COL6A6: variants seen among roughly 807,000 people sequenced by gnomAD.
COL6A6 encodes the protein collagen type VI alpha 6 chain, also known as collagen alpha-6(VI) chain.
Under a neutral mutation model 208.6 loss-of-function variants are expected in COL6A6, and 183 were observed. The ratio of observed to expected loss-of-function variants is 0.88; its 90% CI spans 0.78 to 0.99. The LOEUF is 0.99. Among genes scored for constraint, COL6A6 ranks in the 50% least tolerant of loss-of-function variants. The pLI is 0.00. For synonymous variants in COL6A6, 973 were observed against 1,011.8 expected, an observed-to-expected ratio of 0.96 and a Z score of 0.73; for missense variants, 2,816 against 2,815.2, an observed-to-expected ratio of 1.00 and a Z score of -0.01.
At chr3:130,521,039 C>T (rs895617766) in intron 1 of COL6A6, among the ~76,000 whole-genome samples, 2 of 152,102 alleles carry the variant, frequency 1.3e-5, no homozygotes, top group African/African-American at 2.4e-5. Flanking sequence ...TCAGTATTCT[C>T]CTTAAGTCAC....
At chr3:130,656,323 G>A (rs377356256) in intron 33 of COL6A6, among the ~76,000 whole-genome samples, 3 of 152,210 alleles carry the variant, frequency 2.0e-5, no homozygotes, top group East Asian at 3.9e-4. Flanking sequence ...GTGAAGAGGA[G>A]CTTTATTGAG....
In COL6A6 at chr3:130,625,708, C is replaced by A. The variant is rs545784143; in HGVS notation, c.4879-777C>A. ...ATACCATGTGGATCCTGGATGGGAT[C>A]CTGGAACAGGAAAGGAATATCAGGT... On this transcript the variant is annotated intron_variant, in intron 24 of 36. Coordinates refer to ENST00000358511, the MANE Select transcript of COL6A6 (RefSeq NM_001102608.3). Among the ~76,000 whole-genome samples the A allele has an allele frequency of 8.5e-5, 13 of 152,154 alleles. No homozygotes were observed. The East Asian group carries it at 1.2e-3, about 14-fold the overall frequency.
At chr3:130,578,629 C>T (rs867386218) in intron 8 of COL6A6, among the ~76,000 whole-genome samples, 1 of 152,020 alleles carries the variant, frequency 6.6e-6, no homozygotes, top group Admixed American at 6.6e-5. Context: ...GATTTACCTG[C>T]CAATTGCTTC....
intron 18 of COL6A6, among the ~76,000 whole-genome samples, chr3:130,595,568 C>G (rs1453997962): frequency 1.3e-5 from 2 of 152,186 alleles, no homozygotes; most frequent in African/African-American, 4.8e-5. Context: ...ATATAAGTGT[C>G]TGCTCTTTTT....
At chr3:130,528,407 G>A (rs893603867) in intron 1 of COL6A6, among the ~76,000 whole-genome samples, 1 of 152,130 alleles carries the variant, frequency 6.6e-6, no homozygotes, top group African/African-American at 2.4e-5. Flanking sequence ...GCTGATCTGA[G>A]GACCACTCTT....
chr3:130,634,698 A>G, intron 27 of COL6A6, 73 bp downstream of exon 27: 1 of 1,107,614 alleles, frequency 9.0e-7, no homozygotes, highest in Non-Finnish European at 1.3e-6. Flanking sequence ...ATCCTAGGCC[A>G]GTAGAAGAAC....
At chr3:130,572,526 G>A (rs2063191650) in intron 7 of COL6A6, among the ~76,000 whole-genome samples, 1 of 152,152 alleles carries the variant, frequency 6.6e-6, no homozygotes, top group South Asian at 2.1e-4. Context: ...TTAGAATGCA[G>A]CTACTATCTT....
chr3:130,555,744 G>GT (rs1401882471), intron 1 of COL6A6, among the ~76,000 whole-genome samples: 4 of 151,594 alleles, frequency 2.6e-5, no homozygotes, highest in Non-Finnish European at 5.9e-5. Context: ...AATGATGGGT[G>GT]TTTTTTGGTT....
At position 130,590,401 on chromosome 3, in the gene COL6A6, T is replaced by C. The variant is rs866248236; in HGVS notation, c.4219-640T>C. ...TATGTATACATGTGCCATGTTGGTG[T>C]GCTGCACCCATTAACTCGTCATTTA... On this transcript the variant is annotated intron_variant, in intron 12 of 36. Transcript: ENST00000358511. Among the ~76,000 whole-genome samples, 24 of 141,672 alleles carry C rather than the reference T, an allele frequency of 1.7e-4. No homozygotes were observed. In the South Asian group the frequency reaches 2.2e-3, roughly 13 times the overall value. 92.9% of individuals were successfully genotyped at this position (141,672 alleles called of 152,430 possible). A position where few individuals can be genotyped will look rare whatever the true frequency, so the allele number is the denominator to read the frequency against.
intron 13 of COL6A6, among the ~76,000 whole-genome samples, chr3:130,592,290 C>T (rs1300689667): frequency 1.3e-5 from 2 of 152,114 alleles, no homozygotes; most frequent in Admixed American, 6.6e-5. Flanking sequence ...GTTGGAAGGA[C>T]GTAACTTGGT....
chr3:130,661,701 T>G lies in COL6A6; in HGVS notation c.5895T>G (p.Asp1965Glu). 6.2e-7 allele frequency: 1 copy of G among 1,614,008 alleles called. No individual in the cohort carries two copies. The highest frequency in any genetic ancestry group is 8.5e-7 in the Non-Finnish European group (1 of 1,179,870). Reference protein sequence around the residue: ...ARPPPVQSYMDAAFLLDASRN... With the variant: ...ARPPPVQSYMEAAFLLDASRN... ...CACCCCCTGTGCAGTCTTACATGGATGCTGCTTTCCTTCTGGATGCCTCCC... is the reference window on the plus strand; with the variant it reads ...CACCCCCTGTGCAGTCTTACATGGAGGCTGCTTTCCTTCTGGATGCCTCCC... Residue 1965 changes from aspartate to glutamate, a missense_variant, in exon 35 of 37, where the codon GAT becomes GAG. By Grantham distance (45) the Asp-to-Glu change is conservative. Transcript: ENST00000358511.
At chr3:130,671,323 A>C (rs2066209482) in intron 36 of COL6A6, among the ~76,000 whole-genome samples, 1 of 152,160 alleles carries the variant, frequency 6.6e-6, no homozygotes, top group Non-Finnish European at 1.5e-5. Flanking sequence ...TTTGCAGAGA[A>C]ATATGAGTGG....
intron 33 of COL6A6, among the ~76,000 whole-genome samples, chr3:130,651,425 CAA>C (rs35957602): frequency 0.013 from 764 of 60,966 alleles, 6 homozygotes; most frequent in East Asian, 0.055. Flanking sequence ...GACTCCATCT[CAA>C]AAAAAAAAAA....
intron 28 of COL6A6, among the ~76,000 whole-genome samples, chr3:130,639,871 A>G (rs902651617): frequency 6.6e-6 from 1 of 152,130 alleles, no homozygotes; most frequent in African/African-American, 2.4e-5. Flanking sequence ...AACTTCTTAC[A>G]GTTTCCTACC....
At chr3:130,638,800 C>T (rs2065228541) in intron 28 of COL6A6, among the ~76,000 whole-genome samples, 1 of 152,200 alleles carries the variant, frequency 6.6e-6, no homozygotes, top group Non-Finnish European at 1.5e-5. Flanking sequence ...TGGGGAAGCC[C>T]AAAGCCATTC....
At chr3:130,546,419 A>T (rs922280507) in intron 1 of COL6A6, among the ~76,000 whole-genome samples, 1 of 152,222 alleles carries the variant, frequency 6.6e-6, no homozygotes, top group African/African-American at 2.4e-5. Flanking sequence ...TCATAAAGGC[A>T]GTGCAGACCC....
At chr3:130,635,107 T>A (rs1402366776) in intron 27 of COL6A6, among the ~76,000 whole-genome samples, 1 of 152,046 alleles carries the variant, frequency 6.6e-6, no homozygotes, top group Non-Finnish European at 1.5e-5. Context: ...TGGTGGTGCA[T>A]GCCTGTAGTC....
intron 1 of COL6A6, among the ~76,000 whole-genome samples, chr3:130,539,557 C>T (rs950136760): frequency 6.6e-6 from 1 of 151,250 alleles, no homozygotes; most frequent in African/African-American, 2.4e-5. Context: ...TGGCGTGAAC[C>T]CGGGAGGCGG....
chr3:130,602,450 A>G (rs78402768), intron 20 of COL6A6, among the ~76,000 whole-genome samples: 2,476 of 152,346 alleles, frequency 0.016, 26 homozygotes, highest in Middle Eastern at 0.037. Flanking sequence ...CCATGGGCAA[A>G]GGGCAGATAA....
Sources: gnomAD v4.1 joint callset for allele counts (sites outside exome capture counted in the v4.1 genomes callset) on GRCh38, gnomAD v4.1.1 for gene constraint, MANE v1.5 for transcripts, NCBI Gene and HGNC (gene_info 2026-07-23, HGNC 2026-07-21) for gene names.